EYS: variants seen among roughly 807,000 people sequenced by gnomAD.
The protein encoded by EYS is EGF-like photoreceptor maintenance factor.
EYS carries 250 observed loss-of-function variants against 282.1 expected under a neutral mutation model. The observed-to-expected ratio is 0.89, with a 90% confidence interval of 0.80 to 0.98. The LOEUF is 0.98. Ranked by LOEUF, EYS falls within the 50% of genes least tolerant of loss-of-function variation. The probability of loss-of-function intolerance (pLI) is 0.00; values close to 1 mark genes in which losing one functional copy is unlikely to be tolerated. For missense variants in EYS, 4,016 were observed against 3,709.0 expected (o/e 1.08, Z -2.15); for synonymous variants, 1,355 against 1,282.9 (o/e 1.06, Z -1.20).
intron 22 of EYS, among the ~76,000 whole-genome samples, chr6:64,643,472 A>G (rs1181973419): frequency 6.6e-6 from 1 of 152,216 alleles, no homozygotes; most frequent in Non-Finnish European, 1.5e-5. Context: ...GATGCTTGGC[A>G]TCTTTTCCTC....
intron 13 of EYS, among the ~76,000 whole-genome samples, chr6:65,034,722 A>G (rs1162696894): frequency 6.6e-6 from 1 of 152,058 alleles, no homozygotes; most frequent in Non-Finnish European, 1.5e-5. Context: ...AGCTAGTTAA[A>G]CTTTTCTTCT....
At chr6:63,996,837 T>C (rs1767859246) in intron 34 of EYS, among the ~76,000 whole-genome samples, 1 of 152,198 alleles carries the variant, frequency 6.6e-6, no homozygotes, top group Non-Finnish European at 1.5e-5. Flanking sequence ...ATATTTTAGC[T>C]ATTATCAGAA....
intron 19 of EYS, among the ~76,000 whole-genome samples, chr6:64,841,729 T>C (rs1406601308): frequency 3.3e-5 from 5 of 152,146 alleles, no homozygotes; most frequent in African/African-American, 9.6e-5. Context: ...CACTATCACA[T>C]TGGTAGTTTA....
intron 2 of EYS, among the ~76,000 whole-genome samples, chr6:65,613,591 T>G (rs1275263388): frequency 6.6e-6 from 1 of 151,854 alleles, no homozygotes; most frequent in Non-Finnish European, 1.5e-5. Context: ...AAACAGAATT[T>G]ATTTAAATAT....
At chr6:63,980,458 T>A (rs944757980) in intron 35 of EYS, among the ~76,000 whole-genome samples, 2 of 151,820 alleles carry the variant, frequency 1.3e-5, no homozygotes, top group African/African-American at 2.4e-5. Context: ...TATCTGTGTA[T>A]TTTGAGAGAA....
intron 4 of EYS, 82 bp downstream of exon 4, chr6:65,494,581 T>G: frequency 1.5e-6 from 2 of 1,312,044 alleles, no homozygotes; most frequent in Non-Finnish European, 2.1e-6. Flanking sequence ...GCATTTAAAA[T>G]GTACTTTGAT....
intron 41 of EYS, among the ~76,000 whole-genome samples, chr6:63,760,499 G>C (rs1361784457): frequency 1.3e-5 from 2 of 151,856 alleles, no homozygotes; most frequent in Non-Finnish European, 2.9e-5. Context: ...AGAATATCAA[G>C]GTATATCTTT....
chr6:65,662,457 C>A (rs893764797), intron 1 of EYS, among the ~76,000 whole-genome samples: 2 of 151,984 alleles, frequency 1.3e-5, no homozygotes, highest in Non-Finnish European at 2.9e-5. Flanking sequence ...AGGGAGACAT[C>A]GATGTTAAAT....
At chr6:64,145,469 C>A (rs1450887565) in intron 31 of EYS, among the ~76,000 whole-genome samples, 1 of 149,786 alleles carries the variant, frequency 6.7e-6, no homozygotes, top group East Asian at 1.9e-4. Flanking sequence ...AAAAGACTGC[C>A]ACTTTATTTT....
chr6:65,430,969 A>G (rs570734355), intron 5 of EYS, among the ~76,000 whole-genome samples: 2 of 152,312 alleles, frequency 1.3e-5, no homozygotes, highest in South Asian at 2.1e-4. Flanking sequence ...CTTGGTGGCC[A>G]TGGGGGAAAA....
intron 29 of EYS, among the ~76,000 whole-genome samples, chr6:64,336,787 C>T (rs1770867136): frequency 6.6e-6 from 1 of 151,966 alleles, no homozygotes; most frequent in Non-Finnish European, 1.5e-5. Context: ...TCTCAGATCA[C>T]AGTGGAATAA....
chr6:64,317,730 G>A lies in EYS; in HGVS notation c.6079-10648C>T, dbSNP rs947856894. On this transcript the variant is annotated intron_variant, in intron 29 of 42. Transcript: ENST00000503581. The stretch of plus-strand genomic sequence containing the variant: ...TTCTACTATAAACACACATGCAAAC[G>A]TATGTTTATTGTGGCACTGTTCACA... Among the ~76,000 whole-genome samples, 11 of 152,020 alleles carry A rather than the reference G, an allele frequency of 7.2e-5. No homozygotes were observed. In the East Asian group the frequency reaches 1.3e-3, roughly 19 times the overall value.
intron 35 of EYS, among the ~76,000 whole-genome samples, chr6:63,941,644 G>A (rs1000339409): frequency 1.3e-5 from 2 of 152,108 alleles, no homozygotes; most frequent in Non-Finnish European, 2.9e-5. Context: ...TGCCACAAAG[G>A]ACACTTATTA....
At chr6:65,431,299 C>T (rs1430992471) in intron 5 of EYS, among the ~76,000 whole-genome samples, 1 of 152,106 alleles carries the variant, frequency 6.6e-6, no homozygotes, top group Non-Finnish European at 1.5e-5. Context: ...CATCCTGTAT[C>T]TTGGGTTGGT....
chr6:65,368,768 T>C (rs1582196747), intron 8 of EYS, among the ~76,000 whole-genome samples: 1 of 151,726 alleles, frequency 6.6e-6, no homozygotes, highest in South Asian at 2.1e-4. Context: ...CAAGTAGTAC[T>C]TTAAGCATAA....
At chr6:65,609,142 T>C (rs1158345317) in intron 2 of EYS, among the ~76,000 whole-genome samples, 2 of 152,068 alleles carry the variant, frequency 1.3e-5, no homozygotes, top group African/African-American at 4.8e-5. Context: ...GGCAGAGCAG[T>C]AGGTTTGTTT....
At chr6:64,388,044 T>A (rs929912102) in intron 29 of EYS, among the ~76,000 whole-genome samples, 8 of 152,110 alleles carry the variant, frequency 5.3e-5, no homozygotes, top group African/African-American at 1.9e-4. Context: ...AGGGAAAAGA[T>A]TAATAAATGT....
At chr6:64,011,731 C>T (rs975336435) in intron 33 of EYS, among the ~76,000 whole-genome samples, 1 of 151,906 alleles carries the variant, frequency 6.6e-6, no homozygotes, top group Non-Finnish European at 1.5e-5. Context: ...AAAGCAGTAT[C>T]TCATTGCTGG....
intron 14 of EYS, among the ~76,000 whole-genome samples, chr6:64,955,935 G>A (rs2150102647): frequency 6.6e-6 from 1 of 152,192 alleles, no homozygotes; most frequent in African/African-American, 2.4e-5. Context: ...ACTCTCTGGT[G>A]TCCACATGCC....
Sources: allele counts gnomAD v4.1 joint callset (sites outside exome capture counted in the v4.1 genomes callset), GRCh38; gene constraint gnomAD v4.1.1; transcripts MANE v1.5; gene names NCBI Gene and HGNC (gene_info 2026-07-23, HGNC 2026-07-21).